The following LRP6 variants were observed in gnomAD, a reference collection of about 807,000 sequenced individuals.
The protein encoded by LRP6 is low-density lipoprotein receptor-related protein 6.
LRP6 carries 43 observed loss-of-function variants against 184.1 expected under a neutral mutation model. That is an observed-to-expected ratio of 0.23 (90% CI 0.18 to 0.30). The LOEUF is 0.30. Ranked by LOEUF, LRP6 falls within the 10% of genes least tolerant of loss-of-function variation. LRP6 has a pLI of 1.00. For synonymous variants in LRP6, 719 were observed against 684.9 expected, an observed-to-expected ratio of 1.05 and a Z score of -0.78; for missense variants, 1,571 against 2,005.3, an observed-to-expected ratio of 0.78 and a Z score of 4.14.
intron 7 of LRP6, among the ~76,000 whole-genome samples, chr12:12,169,234 G>GATAATAATA (rs544964479): frequency 0.045 from 6,675 of 148,694 alleles, 189 homozygotes; most frequent in Middle Eastern, 0.13. Flanking sequence ...GCCTCAAAAT[G>GATAATAATA]ATAATAATAA....
intron 2 of LRP6, among the ~76,000 whole-genome samples, chr12:12,222,925 A>G (rs1864528754): frequency 6.6e-6 from 1 of 152,198 alleles, no homozygotes; most frequent in East Asian, 1.9e-4. Flanking sequence ...TAAAGCATTT[A>G]GCAAATCACT....
rs770911997 is a variant in LRP6 at position 12,181,308 on chromosome 12, C to G, written c.1108G>C (p.Val370Leu). The change falls in exon 6 of 23, where the codon GTG (valine) becomes CTG (leucine). Residue 370 changes from valine to leucine, a missense_variant. Around this residue, in one of 4 missense-constraint regions of LRP6, gnomAD observed 640 missense variants for 851.9 expected, o/e 0.75. Coordinates refer to ENST00000261349, the MANE Select transcript of LRP6 (RefSeq NM_002336.3). Reference sequence around the variant, plus strand: ...TCAGTCCAGTAGATGTAGCCTTCCACAGGATCGTAATCTATGGCAATGGCA... The same window carrying G: ...TCAGTCCAGTAGATGTAGCCTTCCAGAGGATCGTAATCTATGGCAATGGCA... ...RHAIAIDYDP[V>L]EGYIYWTDDE... 5 of 1,614,146 alleles carry G rather than the reference C, an allele frequency of 3.1e-6. No individual in the cohort carries two copies. Among genetic ancestry groups the G allele is most frequent in the Non-Finnish European group, 4.2e-6 (5 of 1,180,010 alleles).
At chr12:12,233,699 G>A (rs927505227) in intron 2 of LRP6, among the ~76,000 whole-genome samples, 1 of 152,156 alleles carries the variant, frequency 6.6e-6, no homozygotes, top group Non-Finnish European at 1.5e-5. Context: ...ATCTGAGTAT[G>A]AACAGACTAA....
intron 13 of LRP6, 72 bp downstream of exon 13, chr12:12,150,764 A>T: frequency 6.6e-7 from 1 of 1,505,890 alleles, no homozygotes; most frequent in Non-Finnish European, 9.2e-7. Context: ...TCAAGACTTA[A>T]GTGAAACAGA....
chr12:12,197,202 A>G (rs1863785223), intron 3 of LRP6, among the ~76,000 whole-genome samples: 1 of 152,242 alleles, frequency 6.6e-6, no homozygotes. Context: ...TGGGAATTCT[A>G]CAGTCATTTC....
intron 20 of LRP6, among the ~76,000 whole-genome samples, 198 bp from the exon 21 acceptor site, chr12:12,125,630 G>C (rs1280666715): frequency 6.6e-6 from 1 of 152,098 alleles, no homozygotes; most frequent in Non-Finnish European, 1.5e-5. Flanking sequence ...TGCTTCCATT[G>C]AAAGAGCTGG....
intron 1 of LRP6, among the ~76,000 whole-genome samples, chr12:12,244,873 G>T (rs761029701): frequency 6.6e-6 from 1 of 152,090 alleles, no homozygotes; most frequent in East Asian, 1.9e-4. Flanking sequence ...TTTCCACCAC[G>T]ATAGTCTTTT....
chr12:12,149,254 A>T (rs1345860924), intron 13 of LRP6, 101 bp from the exon 14 acceptor site: 1 of 904,104 alleles, frequency 1.1e-6, no homozygotes, highest in Non-Finnish European at 1.8e-6. Flanking sequence ...CACAGCTGAG[A>T]AGGCTCTCTC....
At chr12:12,238,269 G>T (rs1166626891) in intron 2 of LRP6, among the ~76,000 whole-genome samples, 2 of 145,374 alleles carry the variant, frequency 1.4e-5, no homozygotes, top group Non-Finnish European at 3.0e-5. Flanking sequence ...TGAGAGAGAA[G>T]ATAAAAGAGC....
chr12:12,232,313 G>A (rs1864812666), intron 2 of LRP6, among the ~76,000 whole-genome samples: 1 of 151,472 alleles, frequency 6.6e-6, no homozygotes, highest in East Asian at 1.9e-4. Flanking sequence ...GAACCCAGGA[G>A]GCAGAGCCTG....
At chr12:12,160,059 A>C (rs1862703335) in intron 10 of LRP6, 95 bp from the exon 11 acceptor site, 2 of 893,556 alleles carry the variant, frequency 2.2e-6, no homozygotes, top group South Asian at 1.8e-5. Flanking sequence ...AATTTAAAGA[A>C]AACATACAGC....
chr12:12,169,402 G>A (rs1240851166), intron 7 of LRP6, among the ~76,000 whole-genome samples: 1 of 152,156 alleles, frequency 6.6e-6, no homozygotes, highest in Non-Finnish European at 1.5e-5. Context: ...AAGGATTATA[G>A]ATCAGAAATA....
chr12:12,250,496 T>G (rs1275483411), intron 1 of LRP6, among the ~76,000 whole-genome samples: 1 of 150,800 alleles, frequency 6.6e-6, no homozygotes, highest in African/African-American at 2.5e-5. Context: ...TTTTTTTTTT[T>G]AAGCATACTT....
chr12:12,224,722 T>A (rs1266225312), intron 2 of LRP6, among the ~76,000 whole-genome samples: 1 of 152,314 alleles, frequency 6.6e-6, no homozygotes, highest in East Asian at 1.9e-4. Context: ...AGTCTCACTA[T>A]AAGGATTTTT....
intron 2 of LRP6, among the ~76,000 whole-genome samples, chr12:12,227,524 C>T (rs1168526063): frequency 3.3e-5 from 5 of 151,876 alleles, no homozygotes; most frequent in African/African-American, 1.2e-4. Context: ...TTTCCTGCCT[C>T]AGTCTCCCGA....
intron 19 of LRP6, 32 bp downstream of exon 19, chr12:12,130,751 A>G (rs945744172): frequency 7.4e-7 from 1 of 1,345,470 alleles, no homozygotes; most frequent in Non-Finnish European, 1.1e-6. Flanking sequence ...ATTCTCTGTT[A>G]AGAGTAATTT....
At position 12,203,291 on chromosome 12, in the gene LRP6, G is replaced by C; in HGVS notation, c.559C>G (p.Leu187Val). ...TTTTGTTCTTCATAATCCAAAGTCAGTCCATTTGGCCAGTAAATTTCACTG... is the reference window on the plus strand; with the variant it reads ...TTTTGTTCTTCATAATCCAAAGTCACTCCATTTGGCCAGTAAATTTCACTG... The part of the protein sequence containing the change: ...INSEIYWPNG[L>V]TLDYEEQKLY... The change falls in exon 3 of 23, where the codon CTG becomes GTG. Residue 187 changes from leucine (L) to valine (V), a missense_variant. Coordinates refer to ENST00000261349, the MANE Select transcript of LRP6 (RefSeq NM_002336.3). 6.2e-7 allele frequency: 1 copy of C among 1,613,758 alleles called. No individual in the cohort carries two copies. Among genetic ancestry groups the C allele is most frequent in the Non-Finnish European group, 8.5e-7 (1 of 1,179,722 alleles).
intron 15 of LRP6, chr12:12,139,056 G>A: frequency 1.6e-6 from 2 of 1,239,270 alleles, no homozygotes; most frequent in Non-Finnish European, 2.1e-6. Flanking sequence ...TTGTTGCACA[G>A]TGAGAAAGTT....
intron 2 of LRP6, among the ~76,000 whole-genome samples, chr12:12,235,382 T>A (rs2135900677): frequency 6.6e-6 from 1 of 152,292 alleles, no homozygotes; most frequent in Non-Finnish European, 1.5e-5. Flanking sequence ...TGTGTCTACA[T>A]ACATCATATA....
Sources: gnomAD v4.1 joint callset for allele counts (sites outside exome capture counted in the v4.1 genomes callset) on GRCh38, gnomAD v4.1.1 for gene constraint, gnomAD v4.1.1 regional missense constraint, MANE v1.5 for transcripts, NCBI Gene and HGNC (gene_info 2026-07-23, HGNC 2026-07-21) for gene names.